Variants in MSH3 observed in about 807,000 individuals in gnomAD.
The protein encoded by MSH3 is DNA mismatch repair protein Msh3.
MSH3 carries 106 observed loss-of-function variants against 123.3 expected under a neutral mutation model. The ratio of observed to expected loss-of-function variants is 0.86; its 90% CI spans 0.73 to 1.01. The LOEUF is 1.01. MSH3 is among the 50% of genes least tolerant of loss of function. The pLI is 0.00. For synonymous variants in MSH3, 515 were observed against 481.4 expected, an observed-to-expected ratio of 1.07 and a Z score of -0.91; for missense variants, 1,459 against 1,347.6, an observed-to-expected ratio of 1.08 and a Z score of -1.29.
At chr5:80,655,615 A>C (rs897815802) in intron 1 of MSH3, 3 of 182,654 alleles carry the variant, frequency 1.6e-5, no homozygotes, top group African/African-American at 7.1e-5. Context: ...AGATACTGCC[A>C]CAGGAAAAGC....
chr5:80,759,146 T>C (rs987059599), intron 12 of MSH3, among the ~76,000 whole-genome samples: 2 of 152,246 alleles, frequency 1.3e-5, no homozygotes, highest in African/African-American at 4.8e-5. Context: ...CACAAATTGT[T>C]ATCCTGAAAT....
chr5:80,831,557 T>TATGGTGCCTACA (rs1203950735), intron 20 of MSH3, among the ~76,000 whole-genome samples: 1 of 152,218 alleles, frequency 6.6e-6, no homozygotes. Flanking sequence ...GTAATTGGTA[T>TATGGTGCCTACA]TCTCTTACAG....
intron 8 of MSH3, among the ~76,000 whole-genome samples, chr5:80,699,870 A>G (rs891908029): frequency 7.9e-5 from 12 of 152,206 alleles, no homozygotes; most frequent in Admixed American, 7.8e-4. Flanking sequence ...TATTGATGAT[A>G]ACTAGGCACT....
intron 12 of MSH3, chr5:80,746,339 A>T (rs1743720337): frequency 2.8e-6 from 1 of 359,978 alleles, no homozygotes; most frequent in African/African-American, 2.1e-5. Flanking sequence ...AGGACGTTTC[A>T]CTTCTGTTCA....
At chr5:80,684,413 ATATTT>A (rs1750039356) in intron 8 of MSH3, among the ~76,000 whole-genome samples, 1 of 151,786 alleles carries the variant, frequency 6.6e-6, no homozygotes, top group Non-Finnish European at 1.5e-5. Context: ...TAACTCCTAG[ATATTT>A]TATTTTATTT....
chr5:80,863,049 A>G (rs1746039661), intron 21 of MSH3, among the ~76,000 whole-genome samples: 1 of 152,240 alleles, frequency 6.6e-6, no homozygotes, highest in African/African-American at 2.4e-5. Context: ...GAAAAGGTAT[A>G]GTGAAGAAAT....
intron 3 of MSH3, 69 bp downstream of exon 3, chr5:80,665,432 C>T: frequency 8.6e-7 from 1 of 1,167,570 alleles, no homozygotes; most frequent in Non-Finnish European, 1.2e-6. Flanking sequence ...GTCAGGTTCT[C>T]TGAGGTCATT....
chr5:80,792,890 CTT>C, intron 19 of MSH3, 46 bp downstream of exon 19: 1 of 1,193,940 alleles, frequency 8.4e-7, no homozygotes, highest in South Asian at 1.3e-5. Context: ...ACATCCCAAA[CTT>C]TTACATACCA....
At position 80,810,078 on chromosome 5, in the gene MSH3, T is replaced by C. The variant is rs77900621; in HGVS notation, c.2656-3506T>C. Among the ~76,000 whole-genome samples the C allele has an allele frequency of 8.8e-3, 1,339 of 151,338 alleles. 24 individuals are homozygous for C. The highest frequency in any genetic ancestry group is 0.031 in the African/African-American group (1,280 of 41,322). On this transcript the variant is annotated intron_variant, in intron 19 of 23. Coordinates refer to ENST00000265081, the MANE Select transcript of MSH3 (RefSeq NM_002439.5). Reference sequence around the variant, plus strand: ...CATACGTAATTAACTGCTATTCCTTTTTCTCCATCTTCATCTCCTAACCTA... The same window carrying C: ...CATACGTAATTAACTGCTATTCCTTCTTCTCCATCTTCATCTCCTAACCTA...
In MSH3 at chr5:80,787,674, TA is replaced by T. The variant is rs1298988264; in HGVS notation, c.2543+4del. 6.2e-7 allele frequency: 1 copy of T among 1,601,296 alleles called. No homozygotes were observed. The highest frequency in any genetic ancestry group is 1.7e-5 in the Admixed American group (1 of 60,006). On this transcript the variant is annotated splice_donor_region_variant and intron_variant, in intron 18 of 23. Transcript: ENST00000265081. ...CGCTAAGCAAGGAGATTACTGCAGG[TA>T]AGATATTTTTCATTTTCCTCTTTAT...
chr5:80,839,342 T>A (rs542831722), intron 20 of MSH3, among the ~76,000 whole-genome samples: 41 of 152,316 alleles, frequency 2.7e-4, no homozygotes, highest in Non-Finnish European at 4.4e-4. Context: ...CAATCCAACC[T>A]GGACAACAGA....
At chr5:80,741,666 TATTA>T (rs1169650506) in intron 11 of MSH3, 118 bp downstream of exon 11, 16 of 744,944 alleles carry the variant, frequency 2.1e-5, no homozygotes, top group Non-Finnish European at 3.9e-5. Context: ...CTGACTGCAG[TATTA>T]ATTGATAACT....
At position 80,656,298 on chromosome 5, in the gene MSH3, A is replaced by G. The variant is rs559802346; in HGVS notation, c.238-113A>G. On this transcript the variant is annotated intron_variant, in intron 1 of 23. Coordinates refer to ENST00000265081, the MANE Select transcript of MSH3 (RefSeq NM_002439.5). ...GAGCTAAAAGTAGAGGATTCTTTGA[A>G]GAGTGGATGGCAAGGAACCTTGTCA... 7.0e-4 allele frequency: 957 copies of G among 1,375,216 alleles called. 2 individuals carry two copies. Among genetic ancestry groups the G allele is most frequent in the South Asian group, 1.2e-3 (105 of 84,386 alleles). 85.2% of individuals were successfully genotyped at this position (1,375,216 alleles called of 1,614,324 possible).
At position 80,689,763 on chromosome 5, in the gene MSH3, G is replaced by C. The variant is rs532403967; in HGVS notation, c.1340+10670G>C. ...ATTTTATTTTATTTTATTTTGAGCA[G>C]TTTGAGGCTCACAGCAAAGTTGAGA... On this transcript the variant is annotated intron_variant, in intron 8 of 23. Transcript: ENST00000265081. 4.7e-5 allele frequency among the ~76,000 whole-genome samples: 7 copies of C among 149,610 alleles called. No individual in the cohort carries two copies. The South Asian group carries it at 1.5e-3, about 32-fold the overall frequency.
intron 8 of MSH3, among the ~76,000 whole-genome samples, chr5:80,690,647 T>C (rs1750208681): frequency 6.6e-6 from 1 of 152,180 alleles, no homozygotes; most frequent in Admixed American, 6.5e-5. Context: ...TACTGTTTTA[T>C]TTTTCTCATT....
intron 19 of MSH3, among the ~76,000 whole-genome samples, chr5:80,805,144 T>G (rs1459667142): frequency 6.6e-6 from 1 of 152,234 alleles, no homozygotes; most frequent in Non-Finnish European, 1.5e-5. Context: ...CATTTCATGT[T>G]TCAATAGATG....
At chr5:80,828,517 C>T (rs1024572486) in intron 20 of MSH3, among the ~76,000 whole-genome samples, 1 of 152,200 alleles carries the variant, frequency 6.6e-6, no homozygotes, top group African/African-American at 2.4e-5. Flanking sequence ...TTCTCATATA[C>T]AAATACATTC....
intron 3 of MSH3, among the ~76,000 whole-genome samples, chr5:80,668,297 G>A (rs760847928): frequency 6.6e-6 from 1 of 152,142 alleles, no homozygotes; most frequent in Non-Finnish European, 1.5e-5. Context: ...ATTCTGGTTC[G>A]TCAGCCTGGC....
chr5:80,783,996 G>A (rs1031420626), intron 17 of MSH3, among the ~76,000 whole-genome samples: 27 of 151,838 alleles, frequency 1.8e-4, no homozygotes, highest in African/African-American at 6.5e-4. Context: ...GACTGCTTGA[G>A]GCCAGGAATT....
Sources: gnomAD v4.1 joint callset for allele counts (sites outside exome capture counted in the v4.1 genomes callset) on GRCh38, gnomAD v4.1.1 for gene constraint, MANE v1.5 for transcripts, NCBI Gene and HGNC (gene_info 2026-07-23, HGNC 2026-07-21) for gene names.